The following PPM1H variants were observed in gnomAD, a reference collection of about 807,000 sequenced individuals.
The protein encoded by PPM1H is protein phosphatase 1H.
Under a neutral mutation model 54.9 loss-of-function variants are expected in PPM1H, and 27 were observed. The observed-to-expected ratio is 0.49, with a 90% confidence interval of 0.36 to 0.68. The LOEUF is 0.68. PPM1H is among the 30% of genes least tolerant of loss of function. PPM1H has a pLI of 0.00. For synonymous variants in PPM1H, 305 were observed against 270.8 expected, an observed-to-expected ratio of 1.13 and a Z score of -1.24; for missense variants, 596 against 667.8, an observed-to-expected ratio of 0.89 and a Z score of 1.19.
At chr12:62,669,338 C>G (rs1049037004) in intron 8 of PPM1H, among the ~76,000 whole-genome samples, 1 of 152,170 alleles carries the variant, frequency 6.6e-6, no homozygotes, top group East Asian at 1.9e-4. Context: ...TAGAGCAGAG[C>G]TTCTCAAATA....
chr12:62,831,420 T>C (rs558938386), intron 2 of PPM1H, among the ~76,000 whole-genome samples: 10 of 152,240 alleles, frequency 6.6e-5, no homozygotes, highest in Admixed American at 5.2e-4. Context: ...CCCCAGAAAC[T>C]GGAGACAGGA....
At chr12:62,738,676 A>G (rs1017448877) in intron 4 of PPM1H, among the ~76,000 whole-genome samples, 1 of 152,088 alleles carries the variant, frequency 6.6e-6, no homozygotes, top group East Asian at 1.9e-4. Context: ...ATTGCATTCT[A>G]TATGAACCCA....
chr12:62,652,606 T>C lies in PPM1H; in HGVS notation c.1398-3970A>G, dbSNP rs572943370. Among the ~76,000 whole-genome samples, 88 of 152,362 alleles carry C rather than the reference T, an allele frequency of 5.8e-4. 2 individuals are homozygous for C. In the South Asian group the frequency reaches 0.017, roughly 29 times the overall value. ...TTTTCTGTCAGGTGGATAGCTTTAA[T>C]ATTCCCCTCCCCCAACTGGATTGGA... On this transcript the variant is annotated intron_variant, in intron 9 of 9. Coordinates refer to ENST00000228705, the MANE Select transcript of PPM1H (RefSeq NM_020700.2).
chr12:62,802,142 A>T lies in PPM1H; in HGVS notation c.430T>A (p.Cys144Ser), dbSNP rs778034507. 67 of 1,573,922 alleles carry T rather than the reference A, an allele frequency of 4.3e-5. No individual in the cohort carries two copies. The highest frequency in any genetic ancestry group is 5.6e-5 in the Non-Finnish European group (65 of 1,157,936). The change falls in exon 3 of 10, where the codon TGC (cysteine) becomes AGC (serine). Residue 144 changes from cysteine (C) to serine (S), a missense_variant. Coordinates refer to ENST00000228705, the MANE Select transcript of PPM1H (RefSeq NM_020700.2). ...KENSESEGVS[C>S]HYWSLFDGHA... ...CCGTCAAACAGCGACCAATAGTGGC[A>T]GGAAACACCCTCGGATTCCTGTGGG...
chr12:62,817,632 T>C (rs1315941430), intron 2 of PPM1H, among the ~76,000 whole-genome samples: 1 of 152,184 alleles, frequency 6.6e-6, no homozygotes, highest in Non-Finnish European at 1.5e-5. Flanking sequence ...GCCAACTGCC[T>C]GATGAGGGCG....
At chr12:62,876,132 G>A (rs1412713470) in intron 1 of PPM1H, among the ~76,000 whole-genome samples, 2 of 152,142 alleles carry the variant, frequency 1.3e-5, no homozygotes, top group African/African-American at 4.8e-5. Flanking sequence ...AACCAAATCA[G>A]GATCTGATAA....
intron 5 of PPM1H, among the ~76,000 whole-genome samples, chr12:62,736,854 C>T (rs950160872): frequency 6.6e-6 from 1 of 152,198 alleles, no homozygotes; most frequent in Non-Finnish European, 1.5e-5. Context: ...AACCAAGATT[C>T]TAAGCCTAAT....
intron 1 of PPM1H, among the ~76,000 whole-genome samples, chr12:62,833,791 A>G (rs1868421579): frequency 6.6e-6 from 1 of 152,218 alleles, no homozygotes; most frequent in Non-Finnish European, 1.5e-5. Flanking sequence ...CAATAATTTA[A>G]AAGTTCATTC....
chr12:62,812,035 C>G (rs1246560550), intron 2 of PPM1H, among the ~76,000 whole-genome samples: 1 of 152,220 alleles, frequency 6.6e-6, no homozygotes, highest in Non-Finnish European at 1.5e-5. Context: ...GGATTTGAAC[C>G]TAGTTCTTCA....
chr12:62,874,271 C>T (rs957808495), intron 1 of PPM1H, among the ~76,000 whole-genome samples: 2 of 152,118 alleles, frequency 1.3e-5, no homozygotes, highest in African/African-American at 4.8e-5. Flanking sequence ...GACAGTGTCC[C>T]AGGCAAGGCT....
At chr12:62,753,593 G>A (rs924583567) in intron 4 of PPM1H, among the ~76,000 whole-genome samples, 16 of 152,206 alleles carry the variant, frequency 1.1e-4, no homozygotes, top group African/African-American at 3.9e-4. Context: ...CCCTACTCTT[G>A]AAGCCTTGTT....
Position 62,899,889 on chromosome 12 carries a change from G to A in PPM1H, c.245+34603C>T, listed in dbSNP as rs71465171. 6.6e-5 allele frequency among the ~76,000 whole-genome samples: 10 copies of A among 152,308 alleles called. No individual in the cohort carries two copies. The East Asian group carries it at 1.9e-3, about 29-fold the overall frequency. On this transcript the variant is annotated intron_variant, in intron 1 of 9. Transcript: ENST00000228705. ...CTAACCTCCAATGCAATGGTATTAC[G>A]AAGGTGAGGTGAGGGTGGTGCCCTC...
intron 4 of PPM1H, among the ~76,000 whole-genome samples, chr12:62,759,438 T>C (rs1336863916): frequency 6.6e-6 from 1 of 152,206 alleles, no homozygotes; most frequent in East Asian, 1.9e-4. Context: ...CACCCTTCAA[T>C]CTCTCCCTTC....
chr12:62,868,228 C>G (rs1353611788), intron 1 of PPM1H, among the ~76,000 whole-genome samples: 1 of 152,238 alleles, frequency 6.6e-6, no homozygotes, highest in Non-Finnish European at 1.5e-5. Flanking sequence ...ACACCATGGT[C>G]TGTTCTGCTC....
chr12:62,804,676 C>CT (rs759291510), intron 2 of PPM1H, among the ~76,000 whole-genome samples: 2,909 of 116,168 alleles, frequency 0.025, 99 homozygotes, highest in African/African-American at 0.05. Context: ...CTTTTTTTTT[C>CT]TTTTTTTTTT....
intron 1 of PPM1H, among the ~76,000 whole-genome samples, chr12:62,901,769 C>T (rs1393102337): frequency 6.6e-6 from 1 of 152,048 alleles, no homozygotes; most frequent in Non-Finnish European, 1.5e-5. Context: ...TGACAGGTAG[C>T]TTTGAGCAGA....
chr12:62,902,284 G>A (rs950472955), intron 1 of PPM1H, among the ~76,000 whole-genome samples: 10 of 151,940 alleles, frequency 6.6e-5, no homozygotes, highest in African/African-American at 2.4e-4. Flanking sequence ...AACCCGGGAG[G>A]CGGAGGTTGC....
In PPM1H at chr12:62,788,610, T is replaced by A. The variant is rs947036501; in HGVS notation, c.757-272A>T. 3 of 329,600 alleles carry A rather than the reference T, an allele frequency of 9.1e-6. No individual in the cohort carries two copies. In the Admixed American group the frequency reaches 1.3e-4, roughly 14 times the overall value. 20.4% of individuals were successfully genotyped at this position (329,600 alleles called of 1,614,324 possible). A position where few individuals can be genotyped will look rare whatever the true frequency, so the allele number is the denominator to read the frequency against. ...GACAAAAATGCAAATAAAATGTAAGTTGTATTCAGTAAATATCACAGCTTA... is the reference window on the plus strand; with the variant it reads ...GACAAAAATGCAAATAAAATGTAAGATGTATTCAGTAAATATCACAGCTTA... On this transcript the variant is annotated intron_variant, in intron 3 of 9. Transcript: ENST00000228705.
At chr12:62,831,923 T>C (rs373746178) in intron 2 of PPM1H, among the ~76,000 whole-genome samples, 191 bp downstream of exon 2, 9 of 152,020 alleles carry the variant, frequency 5.9e-5, no homozygotes, top group Admixed American at 2.0e-4. Flanking sequence ...AACCACAAGC[T>C]GGTCATACAT....
Sources: gnomAD v4.1 joint callset for allele counts (sites outside exome capture counted in the v4.1 genomes callset) on GRCh38, gnomAD v4.1.1 for gene constraint, MANE v1.5 for transcripts, NCBI Gene and HGNC (gene_info 2026-07-23, HGNC 2026-07-21) for gene names.